The following HIVEP3 variants were observed in gnomAD, a reference collection of about 807,000 sequenced individuals.
The protein encoded by HIVEP3 is transcription factor HIVEP3.
HIVEP3 carries 49 observed loss-of-function variants against 152.8 expected under a neutral mutation model. That is an observed-to-expected ratio of 0.32 (90% CI 0.26 to 0.41). HIVEP3 has a LOEUF of 0.41. Ranked by LOEUF, HIVEP3 falls within the 10% of genes least tolerant of loss-of-function variation. HIVEP3 has a pLI of 1.00. For synonymous variants in HIVEP3, 1,269 were observed against 1,289.0 expected, an observed-to-expected ratio of 0.98 and a Z score of 0.33; for missense variants, 2,790 against 3,103.3, an observed-to-expected ratio of 0.90 and a Z score of 2.40.
chr1:41,541,361 G>C (rs767101203), intron 5 of HIVEP3, among the ~76,000 whole-genome samples: 3 of 152,154 alleles, frequency 2.0e-5, no homozygotes, highest in Non-Finnish European at 4.4e-5. Context: ...AGCTATTTAG[G>C]GATGCCTGTT....
chr1:41,547,150 G>A (rs1452395950), intron 5 of HIVEP3, among the ~76,000 whole-genome samples: 1 of 152,148 alleles, frequency 6.6e-6, no homozygotes, highest in Admixed American at 6.5e-5. Context: ...AGTAGGAGGT[G>A]ACACCATATC....
intron 1 of HIVEP3, among the ~76,000 whole-genome samples, chr1:41,827,936 G>C (rs1642850694): frequency 6.6e-6 from 1 of 152,110 alleles, no homozygotes; most frequent in African/African-American, 2.4e-5. Context: ...AGGGAAGGGA[G>C]GGAAGAGGGA....
At chr1:41,826,736 T>C (rs1642816109) in intron 1 of HIVEP3, among the ~76,000 whole-genome samples, 2 of 152,182 alleles carry the variant, frequency 1.3e-5, no homozygotes, top group East Asian at 3.8e-4. Flanking sequence ...GACGTGGTTG[T>C]GAGTTGTCTT....
At chr1:41,648,745 C>T (rs979208841) in intron 2 of HIVEP3, among the ~76,000 whole-genome samples, 1 of 152,222 alleles carries the variant, frequency 6.6e-6, no homozygotes, top group African/African-American at 2.4e-5. Context: ...AATGGCAAGA[C>T]CAAGGCATGG....
chr1:41,879,485 A>T (rs1187115818), intron 1 of HIVEP3, among the ~76,000 whole-genome samples: 1 of 152,240 alleles, frequency 6.6e-6, no homozygotes, highest in Non-Finnish European at 1.5e-5. Flanking sequence ...TCCTGAAAAT[A>T]TAAGTTTCCT....
chr1:41,584,135 G>A lies in HIVEP3; in HGVS notation c.663C>T (p.Pro221=), dbSNP rs936085737. 5.6e-6 allele frequency: 9 copies of A among 1,614,070 alleles called. No individual in the cohort carries two copies. In the African/African-American group the frequency reaches 1.2e-4, roughly 22 times the overall value. The change falls in exon 4 of 9, where the codon CCC becomes CCT. Residue 221 remains proline, a synonymous_variant. Transcript: ENST00000372583. This position sits in a 1 kb window ranked among gnomAD's most constrained non-coding sequence, Gnocchi z 5.2. ...IRSHTGERPY[P]CGPCGFSFKT... is the part of the protein sequence containing the mutation. Reference sequence around the variant, plus strand: ...TGAAGGAGAAGCCACAGGGGCCGCAGGGGTAGGGCCTCTCACCTGTGTGTG... The same window carrying A: ...TGAAGGAGAAGCCACAGGGGCCGCAAGGGTAGGGCCTCTCACCTGTGTGTG...
rs150496644 is a variant in HIVEP3, at chr1:41,564,993, A to G, written c.5207+10551T>C. Reference sequence around the variant, plus strand: ...GCGGAGCCCCTGCCTCAGCAAGACAAGATGCACAGAGCGTCAGGTGCTGCT... The same window carrying G: ...GCGGAGCCCCTGCCTCAGCAAGACAGGATGCACAGAGCGTCAGGTGCTGCT... On this transcript the variant is annotated intron_variant, in intron 5 of 8. Transcript: ENST00000372583. Among the ~76,000 whole-genome samples the G allele has an allele frequency of 9.5e-3, 1,449 of 152,310 alleles. 23 individuals carry two copies. Among genetic ancestry groups the G allele is most frequent in the African/African-American group, 0.033 (1,365 of 41,560 alleles).
chr1:41,624,880 C>T (rs1645094055), intron 3 of HIVEP3, among the ~76,000 whole-genome samples: 1 of 152,108 alleles, frequency 6.6e-6, no homozygotes, highest in African/African-American at 2.4e-5. Flanking sequence ...ATTTAGAATT[C>T]CTTGGCCAGG....
Position 41,518,508 on chromosome 1 carries a change from C to T in HIVEP3, c.5384-20G>A. On this transcript the variant is annotated intron_variant, in intron 6 of 8. Transcript: ENST00000372583. ...GATTCCCTAGAAAGAAACGAGAATACTTAGGCTCTGCTATGGGGCAGGAGG... is the reference window on the plus strand; with the variant it reads ...GATTCCCTAGAAAGAAACGAGAATATTTAGGCTCTGCTATGGGGCAGGAGG... 1 of 1,606,012 alleles carries T rather than the reference C, an allele frequency of 6.2e-7. No homozygotes were observed. The highest frequency in any genetic ancestry group is 8.5e-7 in the Non-Finnish European group (1 of 1,172,594).
At chr1:41,705,124 T>C in intron 1 of HIVEP3, among the ~76,000 whole-genome samples, 1 of 152,218 alleles carries the variant, frequency 6.6e-6, no homozygotes, top group Non-Finnish European at 1.5e-5. Context: ...TTATGCCCTT[T>C]ACAGAGGACA....
intron 1 of HIVEP3, among the ~76,000 whole-genome samples, chr1:41,926,779 G>C (rs189054952): frequency 5.3e-5 from 8 of 152,318 alleles, no homozygotes; most frequent in African/African-American, 1.9e-4. Flanking sequence ...GTTAGCTAAA[G>C]TTTCTTGCAG....
chr1:41,684,790 G>A (rs919579803), intron 2 of HIVEP3, among the ~76,000 whole-genome samples: 3 of 152,218 alleles, frequency 2.0e-5, no homozygotes, highest in African/African-American at 7.2e-5. Flanking sequence ...TATGCTAGGT[G>A]TGTTTACATG....
At chr1:42,018,404 G>T (rs552568639) in intron 1 of HIVEP3, among the ~76,000 whole-genome samples, 1 of 151,306 alleles carries the variant, frequency 6.6e-6, no homozygotes, top group Non-Finnish European at 1.5e-5. Context: ...ATTGATATTT[G>T]TGAATGGCTT....
chr1:41,895,863 C>T (rs1263430200), intron 1 of HIVEP3, among the ~76,000 whole-genome samples: 6 of 152,106 alleles, frequency 3.9e-5, no homozygotes, highest in Non-Finnish European at 7.4e-5. Context: ...GGCAAAGAAA[C>T]GGCTTAAAGA....
chr1:41,689,726 G>A (rs1038807965), intron 2 of HIVEP3, among the ~76,000 whole-genome samples: 3 of 152,236 alleles, frequency 2.0e-5, no homozygotes, highest in African/African-American at 7.2e-5. Flanking sequence ...TATGCATGAA[G>A]CTATTTTAGA....
intron 1 of HIVEP3, among the ~76,000 whole-genome samples, chr1:41,909,075 A>G (rs1644757856): frequency 6.6e-6 from 1 of 152,214 alleles, no homozygotes; most frequent in Non-Finnish European, 1.5e-5. Flanking sequence ...TAGACAAGAC[A>G]GTAGATTTTA....
At chr1:41,539,937 G>T (rs1441489259) in intron 5 of HIVEP3, among the ~76,000 whole-genome samples, 1 of 152,242 alleles carries the variant, frequency 6.6e-6, no homozygotes, top group African/African-American at 2.4e-5. Context: ...ACAATTCTAT[G>T]ATGACAGTGC....
intron 1 of HIVEP3, among the ~76,000 whole-genome samples, chr1:42,002,471 G>A (rs1178064917): frequency 6.6e-6 from 1 of 152,190 alleles, no homozygotes; most frequent in Non-Finnish European, 1.5e-5. Flanking sequence ...TACCTGTCCA[G>A]GTGCCAGGAA....
chr1:42,022,129 C>G (rs1024047889), intron 1 of HIVEP3, among the ~76,000 whole-genome samples: 2 of 152,232 alleles, frequency 1.3e-5, no homozygotes, highest in Admixed American at 6.5e-5. Flanking sequence ...CAACCCCAAA[C>G]TGGCTTAATT....
Sources: allele counts gnomAD v4.1 joint callset (sites outside exome capture counted in the v4.1 genomes callset), GRCh38; gene constraint gnomAD v4.1.1; non-coding constraint Gnocchi (gnomAD v3.1); transcripts MANE v1.5; gene names NCBI Gene and HGNC (gene_info 2026-07-23, HGNC 2026-07-21).